PDZRN4: variants seen among roughly 807,000 people sequenced by gnomAD.
PDZRN4 encodes PDZ domain containing ring finger 4.
In PDZRN4, 70 loss-of-function variants were observed where a neutral mutation model predicts 99.0. That is an observed-to-expected ratio of 0.71 (90% CI 0.58 to 0.86). PDZRN4 has a LOEUF of 0.86. PDZRN4 is among the 40% of genes least tolerant of loss of function. PDZRN4 has a pLI of 0.00. For synonymous variants in PDZRN4, 551 were observed against 501.6 expected (o/e 1.10, Z -1.32); for missense variants, 1,474 against 1,331.2 (o/e 1.11, Z -1.67).
Position 41,457,677 on chromosome 12 carries a change from C to T in PDZRN4, c.844-48779C>T, listed in dbSNP as rs116096624. ...ATTTTCCTTGTACCAATGTCAGAAACATGGTATTTGTTTTAAAATAAAGTA... is the reference window on the plus strand; with the variant it reads ...ATTTTCCTTGTACCAATGTCAGAAATATGGTATTTGTTTTAAAATAAAGTA... On this transcript the variant is annotated intron_variant, in intron 3 of 9. Coordinates refer to ENST00000402685, the MANE Select transcript of PDZRN4 (RefSeq NM_001164595.2). Among the ~76,000 whole-genome samples the T allele has an allele frequency of 4.9e-3, 753 of 152,220 alleles. 9 individuals are homozygous for T. Among genetic ancestry groups the T allele is most frequent in the African/African-American group, 0.017 (716 of 41,548 alleles).
At chr12:41,514,855 G>C (rs558868605) in intron 5 of PDZRN4, among the ~76,000 whole-genome samples, 2 of 152,082 alleles carry the variant, frequency 1.3e-5, no homozygotes, top group Admixed American at 6.6e-5. Flanking sequence ...CACTTGTAAG[G>C]AAAGGGCAAA....
chr12:41,411,789 C>G (rs1178454440), intron 3 of PDZRN4: 3 of 152,216 alleles, frequency 2.0e-5, no homozygotes, highest in African/African-American at 7.2e-5. Flanking sequence ...ATATTCTTCA[C>G]TCTTCACTTT....
intron 3 of PDZRN4, among the ~76,000 whole-genome samples, chr12:41,270,340 G>GTGTA (rs1394568051): frequency 2.0e-5 from 3 of 149,464 alleles, no homozygotes; most frequent in African/African-American, 7.4e-5. Context: ...GTGTGTGTGT[G>GTGTA]TGTGTGTATT....
chr12:41,210,971 G>A (rs1950883909), intron 3 of PDZRN4, among the ~76,000 whole-genome samples: 1 of 151,906 alleles, frequency 6.6e-6, no homozygotes, highest in Non-Finnish European at 1.5e-5. Context: ...TCTAAGTCAA[G>A]CTGTTTATTC....
chr12:41,426,085 A>G (rs1952533921), intron 3 of PDZRN4, among the ~76,000 whole-genome samples: 1 of 152,198 alleles, frequency 6.6e-6, no homozygotes, highest in South Asian at 2.1e-4. Context: ...TTTTAAATCC[A>G]TCAATGTATA....
At chr12:41,301,437 T>C (rs755080953) in intron 3 of PDZRN4, among the ~76,000 whole-genome samples, 14 of 152,046 alleles carry the variant, frequency 9.2e-5, no homozygotes, top group Non-Finnish European at 1.8e-4. Flanking sequence ...AATATGACTA[T>C]GAACAGATTT....
At chr12:41,204,435 A>G (rs1203896280) in intron 3 of PDZRN4, among the ~76,000 whole-genome samples, 1 of 151,986 alleles carries the variant, frequency 6.6e-6, no homozygotes, top group Non-Finnish European at 1.5e-5. Flanking sequence ...TTGCAGTAAT[A>G]TAGTGGGTGT....
chr12:41,391,253 T>A (rs1449232505), intron 3 of PDZRN4, among the ~76,000 whole-genome samples: 2 of 152,210 alleles, frequency 1.3e-5, no homozygotes, highest in Non-Finnish European at 2.9e-5. Flanking sequence ...AATTTTTTAA[T>A]GTATGAGTAG....
intron 3 of PDZRN4, among the ~76,000 whole-genome samples, chr12:41,270,986 T>G (rs1370910413): frequency 6.6e-6 from 1 of 152,090 alleles, no homozygotes; most frequent in African/African-American, 2.4e-5. Flanking sequence ...CAATGAAATT[T>G]TATTTTCTAA....
At chr12:41,295,758 G>A (rs1412680458) in intron 3 of PDZRN4, among the ~76,000 whole-genome samples, 5 of 152,118 alleles carry the variant, frequency 3.3e-5, no homozygotes, top group African/African-American at 4.8e-5. Flanking sequence ...CCCTATCAGA[G>A]CAGCACGAAT....
At chr12:41,455,977 C>T (rs138189667) in intron 3 of PDZRN4, among the ~76,000 whole-genome samples, 57 of 152,320 alleles carry the variant, frequency 3.7e-4, no homozygotes, top group African/African-American at 7.7e-4. Flanking sequence ...TTCTAATGTT[C>T]TTCATCTTCA....
chr12:41,366,497 G>T (rs1273460830), intron 3 of PDZRN4, among the ~76,000 whole-genome samples: 1 of 152,008 alleles, frequency 6.6e-6, no homozygotes, highest in Non-Finnish European at 1.5e-5. Context: ...TAAATATATT[G>T]TGTACTGGAC....
intron 3 of PDZRN4, among the ~76,000 whole-genome samples, chr12:41,471,026 A>G (rs1247253226): frequency 6.6e-6 from 1 of 152,212 alleles, no homozygotes; most frequent in Non-Finnish European, 1.5e-5. Context: ...AGCTCCACCA[A>G]TGTGCAAATC....
intron 3 of PDZRN4, among the ~76,000 whole-genome samples, chr12:41,497,512 A>T (rs1413186452): frequency 1.3e-5 from 2 of 152,192 alleles, no homozygotes; most frequent in Non-Finnish European, 2.9e-5. Context: ...GTAAAAGGTC[A>T]GTAAGTAGTT....
intron 5 of PDZRN4, among the ~76,000 whole-genome samples, chr12:41,513,325 C>T (rs986962615): frequency 5.9e-5 from 9 of 152,018 alleles, no homozygotes; most frequent in Non-Finnish European, 1.2e-4. Context: ...ACACCCATAT[C>T]TCACCATGAC....
intron 5 of PDZRN4, among the ~76,000 whole-genome samples, chr12:41,537,857 A>G (rs1938776413): frequency 6.6e-6 from 1 of 152,168 alleles, no homozygotes; most frequent in South Asian, 2.1e-4. Flanking sequence ...CTTAGGAAGA[A>G]GATCAGATCT....
intron 3 of PDZRN4, among the ~76,000 whole-genome samples, chr12:41,275,535 G>A (rs2120871156): frequency 6.6e-6 from 1 of 152,202 alleles, no homozygotes; most frequent in Non-Finnish European, 1.5e-5. Flanking sequence ...GACAGGGGAG[G>A]CAGGAAGGAA....
intron 3 of PDZRN4, among the ~76,000 whole-genome samples, chr12:41,470,608 G>A (rs560521989): frequency 4.6e-5 from 7 of 152,010 alleles, no homozygotes; most frequent in South Asian, 2.1e-4. Flanking sequence ...CCATTAACTC[G>A]TCATTTAGCA....
At chr12:41,409,549 A>G (rs1322105582) in intron 3 of PDZRN4, 2 of 152,208 alleles carry the variant, frequency 1.3e-5, no homozygotes, top group Non-Finnish European at 2.9e-5. Flanking sequence ...TTTGGGCATA[A>G]GTTATTTAAC....
Sources: gnomAD v4.1 joint callset for allele counts (sites outside exome capture counted in the v4.1 genomes callset) on GRCh38, gnomAD v4.1.1 for gene constraint, MANE v1.5 for transcripts, NCBI Gene and HGNC (gene_info 2026-07-23, HGNC 2026-07-21) for gene names.